Variants in GNB1 observed in about 807,000 individuals in gnomAD.
GNB1 encodes the protein guanine nucleotide-binding protein G(I)/G(S)/G(T) subunit beta-1.
In GNB1, 2 loss-of-function variants were observed where a neutral mutation model predicts 42.9. The observed-to-expected ratio is 0.05, with a 90% confidence interval of 0.02 to 0.15. The LOEUF (loss-of-function observed/expected upper bound fraction) is 0.15. Among genes scored for constraint, GNB1 ranks in the 10% least tolerant of loss-of-function variants. The pLI, the probability that GNB1 is intolerant of heterozygous loss-of-function variation, is 1.00. For missense variants in GNB1, 193 were observed against 462.2 expected (o/e 0.42, Z 5.34); for synonymous variants, 183 against 174.7 (o/e 1.05, Z -0.38).
At chr1:1,886,766 G>A (rs1570766830) in intron 1 of GNB1, among the ~76,000 whole-genome samples, 1 of 152,110 alleles carries the variant, frequency 6.6e-6, no homozygotes, top group African/African-American at 2.4e-5. Context: ...GAGTGCAGTG[G>A]CCGATCTTGG....
chr1:1,836,309 G>C (rs944253025), intron 2 of GNB1, among the ~76,000 whole-genome samples: 3 of 150,584 alleles, frequency 2.0e-5, no homozygotes, highest in Admixed American at 6.6e-5. Flanking sequence ...CTCAATTGCT[G>C]TCTATACAGT....
intron 1 of GNB1, among the ~76,000 whole-genome samples, chr1:1,862,595 G>T (rs1000034471): frequency 6.6e-6 from 1 of 151,834 alleles, no homozygotes; most frequent in Non-Finnish European, 1.5e-5. Flanking sequence ...CCGAGTAGCT[G>T]GGACTACAAG....
intron 2 of GNB1, among the ~76,000 whole-genome samples, chr1:1,828,088 C>T (rs77763251): frequency 1.3e-5 from 2 of 152,074 alleles, no homozygotes; most frequent in East Asian, 3.9e-4. Context: ...TGGGAGGCTG[C>T]GGACAACGGA....
chr1:1,845,760 T>A (rs1647614536), intron 1 of GNB1, among the ~76,000 whole-genome samples: 2 of 147,848 alleles, frequency 1.4e-5, no homozygotes, highest in Admixed American at 6.8e-5. Context: ...TCAATCTGAA[T>A]TTGGAGACAA....
intron 1 of GNB1, among the ~76,000 whole-genome samples, chr1:1,875,110 T>A (rs1353078401): frequency 6.6e-6 from 1 of 152,048 alleles, no homozygotes; most frequent in Non-Finnish European, 1.5e-5. Context: ...CTTGCCCACC[T>A]CTCACCTGCT....
chr1:1,831,428 A>C (rs1243385792), intron 2 of GNB1, among the ~76,000 whole-genome samples: 1 of 152,158 alleles, frequency 6.6e-6, no homozygotes. Context: ...TACTAAGTCA[A>C]AAATAATATA....
chr1:1,831,658 A>T (rs1040719727), intron 2 of GNB1, among the ~76,000 whole-genome samples: 1 of 152,004 alleles, frequency 6.6e-6, no homozygotes, highest in Admixed American at 6.6e-5. Flanking sequence ...CATGTTGGCC[A>T]GGCTGGTCTT....
In GNB1 at chr1:1,815,937, G is replaced by A. The variant is rs185000227; in HGVS notation, c.97-75C>T. On this transcript the variant is annotated intron_variant, in intron 4 of 11. Transcript: ENST00000378609. ...CTCCTCATCACCCATCCTTGTCAAG[G>A]CTGTTGGCTCGCCCACTGTGCCTAC... 2,641 of 926,104 alleles carry A rather than the reference G, an allele frequency of 2.9e-3. 51 individuals carry two copies. In the African/African-American group the frequency reaches 0.035, roughly 12 times the overall value. 57.4% of individuals were successfully genotyped at this position (926,104 alleles called of 1,614,324 possible).
At chr1:1,789,474 C>T (rs923081134) in intron 9 of GNB1, among the ~76,000 whole-genome samples, 3 of 152,108 alleles carry the variant, frequency 2.0e-5, no homozygotes, top group Admixed American at 1.3e-4. Context: ...GGGTGGATCA[C>T]CTGAGATGGG....
intron 7 of GNB1, among the ~76,000 whole-genome samples, chr1:1,800,751 G>C (rs958352420): frequency 8.3e-6 from 1 of 120,494 alleles, no homozygotes; most frequent in African/African-American, 3.3e-5. Flanking sequence ...TCTTTAGATT[G>C]TTAAAAAAAA....
At chr1:1,814,548 C>T (rs1646824389) in intron 5 of GNB1, among the ~76,000 whole-genome samples, 1 of 152,106 alleles carries the variant, frequency 6.6e-6, no homozygotes, top group African/African-American at 2.4e-5. Flanking sequence ...CCTATAATCT[C>T]AGCACTTTGG....
chr1:1,886,310 T>G (rs1171709932), intron 1 of GNB1, among the ~76,000 whole-genome samples: 2 of 152,188 alleles, frequency 1.3e-5, no homozygotes, highest in East Asian at 3.9e-4. Context: ...TGAGTGGGAC[T>G]CTGTCTCACA....
rs111262701 is a variant in GNB1 at position 1,856,321 on chromosome 1, G to C, written c.-95-17083C>G. 7.9e-3 allele frequency among the ~76,000 whole-genome samples: 1,208 copies of C among 152,186 alleles called. 19 individuals are homozygous for C. Among genetic ancestry groups the C allele is most frequent in the African/African-American group, 0.028 (1,164 of 41,536 alleles). On this transcript the variant is annotated intron_variant, in intron 1 of 11. Transcript: ENST00000378609. ...TTTTTTAAATTAGAGATGGGGTCTC[G>C]CTATGTTGCCCAGGCAGATCTCCAA...
intron 1 of GNB1, among the ~76,000 whole-genome samples, chr1:1,859,368 A>G (rs142421296): frequency 1.4e-3 from 217 of 152,280 alleles, no homozygotes; most frequent in Non-Finnish European, 2.7e-3. Context: ...GGACATAAAT[A>G]GTTAAACTGT....
At chr1:1,833,010 A>G (rs896904478) in intron 2 of GNB1, among the ~76,000 whole-genome samples, 1 of 152,228 alleles carries the variant, frequency 6.6e-6, no homozygotes, top group African/African-American at 2.4e-5. Flanking sequence ...TCTCAAGGAC[A>G]ACAGGCACCA....
Position 1,844,507 on chromosome 1 carries a change from C to T in GNB1, c.-95-5269G>A, listed in dbSNP as rs1306198410. 4.6e-5 allele frequency among the ~76,000 whole-genome samples: 7 copies of T among 152,214 alleles called. No individual in the cohort carries two copies. In the East Asian group the frequency reaches 7.7e-4, roughly 17 times the overall value. Reference sequence around the variant, plus strand: ...TTAATATGACTTCTTTGCACATATCCTAGTACTTATACTTTTATTTCAGCA... The same window carrying T: ...TTAATATGACTTCTTTGCACATATCTTAGTACTTATACTTTTATTTCAGCA... On this transcript the variant is annotated intron_variant, in intron 1 of 11. Coordinates refer to ENST00000378609, the MANE Select transcript of GNB1 (RefSeq NM_002074.5).
rs377225069 is a variant in GNB1, at chr1:1,790,343, C to T, written c.699+52G>A. On this transcript the variant is annotated intron_variant, in intron 9 of 11. Transcript: ENST00000378609. The surrounding 1 kb of genome is among the most constrained non-coding windows in gnomAD (Gnocchi z 5.4). ...AAAGTTTAAAATTTAGCAATCTGAA[C>T]GGCTAGCAGAGACGGCAGAGGACCC... 209 of 1,243,036 alleles carry T rather than the reference C, an allele frequency of 1.7e-4. No homozygotes were observed. Among genetic ancestry groups the T allele is most frequent in the South Asian group, 3.0e-4 (25 of 83,500 alleles). The allele number at this position is 1,243,036 out of a possible 1,614,324, so 77.0% of individuals were successfully genotyped here.
chr1:1,861,590 G>C (rs991883000), intron 1 of GNB1, among the ~76,000 whole-genome samples: 6 of 152,034 alleles, frequency 3.9e-5, no homozygotes, highest in Admixed American at 3.9e-4. Context: ...ATATCCTCAG[G>C]GGGTTGGGGG....
chr1:1,833,105 A>C (rs1360521023), intron 2 of GNB1, among the ~76,000 whole-genome samples: 1 of 151,948 alleles, frequency 6.6e-6, no homozygotes, highest in East Asian at 1.9e-4. Flanking sequence ...CTAGCCGCAC[A>C]CCCCTGAGCC....
Sources: allele counts gnomAD v4.1 joint callset (sites outside exome capture counted in the v4.1 genomes callset), GRCh38; gene constraint gnomAD v4.1.1; non-coding constraint Gnocchi (gnomAD v3.1); transcripts MANE v1.5; gene names NCBI Gene and HGNC (gene_info 2026-07-23, HGNC 2026-07-21).